The following SETD1A variants were observed in gnomAD, a reference collection of about 807,000 sequenced individuals.
SETD1A encodes SET domain containing 1A, histone lysine methyltransferase.
SETD1A carries 29 observed loss-of-function variants against 149.9 expected under a neutral mutation model. The observed-to-expected ratio is 0.19, with a 90% CI of 0.14 to 0.26. The LOEUF (loss-of-function observed/expected upper bound fraction) is 0.26, where lower values mean the gene tolerates loss of function less well. SETD1A is among the 10% of genes least tolerant of loss of function. The probability of loss-of-function intolerance (pLI) is 1.00; values close to 1 mark genes in which losing one functional copy is unlikely to be tolerated. For synonymous variants in SETD1A, 1,141 were observed against 968.5 expected, an observed-to-expected ratio of 1.18 and a Z score of -3.31; for missense variants, 2,109 against 2,353.1, an observed-to-expected ratio of 0.90 and a Z score of 2.15.
At position 30,981,140 on chromosome 16, in the gene SETD1A, A is replaced by C. The variant is rs1025809599; in HGVS notation, c.4772A>C (p.Asp1591Ala). The C allele has an allele frequency of 6.2e-7, 1 of 1,614,036 alleles. No homozygotes were observed. Among genetic ancestry groups the C allele is most frequent in the African/African-American group, 1.3e-5 (1 of 74,900 alleles). The change falls in exon 17 of 19, where the codon GAC becomes GCC. Residue 1591 changes from aspartate to alanine, a missense_variant. Physicochemically the swap from Asp to Ala is moderately radical, Grantham distance 126. Transcript: ENST00000262519. ...TTTGCCATGGAACCCATTGCTGCTG[A>C]CGAGATGGTCATCGAATACGTGGGT... ...GLFAMEPIAA[D>A]EMVIEYVGQN... is the part of the protein sequence containing the mutation.
chr16:30,960,321 CCT>C (rs1302330129), intron 3 of SETD1A, among the ~76,000 whole-genome samples: 3 of 152,188 alleles, frequency 2.0e-5, no homozygotes, highest in African/African-American at 4.8e-5. Context: ...ACACCACACC[CCT>C]GTGTTACATC....
In SETD1A at chr16:30,980,948, T is replaced by A; in HGVS notation, c.4692+99T>A. The A allele has an allele frequency of 1.3e-6, 2 of 1,571,934 alleles. No individual in the cohort carries two copies. ...AGCAGGCTCCTGTGGTTCCCTCGGG[T>A]GGAGTTGGGGGGTAAGCAGCCAGAA... On this transcript the variant is annotated intron_variant, in intron 16 of 18. Coordinates refer to ENST00000262519, the MANE Select transcript of SETD1A (RefSeq NM_014712.3). This position sits in a 1 kb window ranked among gnomAD's most constrained non-coding sequence, Gnocchi z 7.7.
In SETD1A at chr16:30,983,824, C is replaced by T. The variant is rs1042170069; in HGVS notation, c.4951-26C>T. 5 of 1,610,408 alleles carry T rather than the reference C, an allele frequency of 3.1e-6. No homozygotes were observed. In the Admixed American group the frequency reaches 5.0e-5, roughly 16 times the overall value. ...AGTTGGGGGTCGGTGGGGGTGGCCA[C>T]GGCTCACACGCCCTTCCATCCGCAG... On this transcript the variant is annotated intron_variant, in intron 18 of 18. Coordinates refer to ENST00000262519, the MANE Select transcript of SETD1A (RefSeq NM_014712.3). This position sits in a 1 kb window ranked among gnomAD's most constrained non-coding sequence, Gnocchi z 6.8.
Position 30,984,437 on chromosome 16 carries a change from CT to C in SETD1A, c.*415del, listed in dbSNP as rs1398206915. 5.8e-6 allele frequency: 1 copy of C among 171,010 alleles called. No individual in the cohort carries two copies. Among genetic ancestry groups the C allele is most frequent in the Non-Finnish European group, 1.3e-5 (1 of 78,710 alleles). 10.6% of individuals were successfully genotyped at this position (171,010 alleles called of 1,614,324 possible). On this transcript the variant is annotated 3_prime_UTR_variant, in exon 19 of 19. Coordinates refer to ENST00000262519, the MANE Select transcript of SETD1A (RefSeq NM_014712.3). ...CTGGGGCAGTGGCCATGTTCTCCCC[CT>C]GGGGGGGCTCTGCACCCCCAGTCCT...
chr16:30,968,807 A>T (rs117326446), intron 10 of SETD1A, among the ~76,000 whole-genome samples: 13,116 of 151,168 alleles, frequency 0.087, 617 homozygotes, highest in Non-Finnish European at 0.11. Flanking sequence ...CTCAAAAAAA[A>T]AAATATATAT....
chr16:30,976,421 G>A (rs902997914), intron 13 of SETD1A, among the ~76,000 whole-genome samples: 1 of 152,172 alleles, frequency 6.6e-6, no homozygotes, highest in African/African-American at 2.4e-5. Flanking sequence ...TGCCAGAGCT[G>A]GGGCCTGGGA....
chr16:30,970,796 CCCT>C (rs1474788377), intron 12 of SETD1A, among the ~76,000 whole-genome samples: 2 of 152,206 alleles, frequency 1.3e-5, no homozygotes, highest in Non-Finnish European at 2.9e-5. Context: ...CTCCATCTCG[CCCT>C]CCTCCAGTCC....
rs1180125646 is a variant in SETD1A, at chr16:30,958,745, G to T, written c.14G>T (p.Gly5Val). The change falls in exon 2 of 19, where the codon GGT becomes GTT. Residue 5 changes from glycine (G) to valine (V), a missense_variant. Gly to Val is a moderately radical substitution (Grantham distance 109). Around this residue, in one of 8 missense-constraint regions of SETD1A, gnomAD observed 75 missense variants for 95.3 expected, o/e 0.79. Coordinates refer to ENST00000262519, the MANE Select transcript of SETD1A (RefSeq NM_014712.3). MDQE[G>V]GGDGQKAPSF... ...AAATGAGCAAAGATGGATCAGGAAG[G>T]TGGGGGAGATGGGCAGAAGGCCCCG... 1 of 1,614,066 alleles carries T rather than the reference G, an allele frequency of 6.2e-7. No individual in the cohort carries two copies. The highest frequency in any genetic ancestry group is 8.5e-7 in the Non-Finnish European group (1 of 1,180,020).
In SETD1A at chr16:30,963,842, A is replaced by C. The variant is rs576852945; in HGVS notation, c.640-252A>C. On this transcript the variant is annotated intron_variant, in intron 5 of 18. Transcript: ENST00000262519. ...CCCATCTCTACTAAAACTGCAAAAA[A>C]TTAGCCAGGCATGGTGGTGGGCGCC... is the stretch of plus-strand genomic sequence containing the variant. Among the ~76,000 whole-genome samples, 6 of 152,282 alleles carry C rather than the reference A, an allele frequency of 3.9e-5. No individual in the cohort carries two copies. In the East Asian group the frequency reaches 1.2e-3, roughly 29 times the overall value.
At chr16:30,972,364 C>T (rs1305118196) in intron 13 of SETD1A, among the ~76,000 whole-genome samples, 2 of 152,146 alleles carry the variant, frequency 1.3e-5, no homozygotes, top group Non-Finnish European at 2.9e-5. Flanking sequence ...AGGCCGGGCG[C>T]GGTGGCTTAC....
chr16:30,974,947 C>T (rs1449212629), intron 13 of SETD1A, among the ~76,000 whole-genome samples: 2 of 151,920 alleles, frequency 1.3e-5, no homozygotes, highest in East Asian at 3.9e-4. Flanking sequence ...TCAAGACCAT[C>T]CTGGCCAGCA....
Position 30,984,163 on chromosome 16 carries a change from C to A in SETD1A, c.*140C>A. 2 of 702,272 alleles carry A rather than the reference C, an allele frequency of 2.8e-6. No individual in the cohort carries two copies. The highest frequency in any genetic ancestry group is 2.0e-5 in the South Asian group (1 of 50,762). 43.5% of individuals were successfully genotyped at this position (702,272 alleles called of 1,614,324 possible). A position where few individuals can be genotyped will look rare whatever the true frequency, so the allele number is the denominator to read the frequency against. On this transcript the variant is annotated 3_prime_UTR_variant, in exon 19 of 19. Transcript: ENST00000262519. Reference sequence around the variant, plus strand: ...GTGGGGTTGGGGGCCCCAAGCCCAGCGAGGGAGCCTCAGTCCCTGGAGGCA... The same window carrying A: ...GTGGGGTTGGGGGCCCCAAGCCCAGAGAGGGAGCCTCAGTCCCTGGAGGCA...
rs2056335929 is a variant in SETD1A at position 30,979,561 on chromosome 16, C to T, written c.3775C>T (p.Leu1259=). The T allele has an allele frequency of 6.2e-7, 1 of 1,609,782 alleles. No homozygotes were observed. The highest frequency in any genetic ancestry group is 8.5e-7 in the Non-Finnish European group (1 of 1,179,336). The change falls in exon 14 of 19, where the codon CTG becomes TTG. Residue 1259 remains leucine, a synonymous_variant. Coordinates refer to ENST00000262519, the MANE Select transcript of SETD1A (RefSeq NM_014712.3). ...GGTGGACCTGGCGGTCCTGGCCGAC[C>T]TGGCCCTGACCCCTGCCCGGCGCGG... ...TEVDLAVLAD[L]ALTPARRGLP... is the part of the protein sequence containing the mutation.
chr16:30,966,620 CA>C (rs2056151138), intron 8 of SETD1A, among the ~76,000 whole-genome samples: 1 of 152,234 alleles, frequency 6.6e-6, no homozygotes, highest in Non-Finnish European at 1.5e-5. Flanking sequence ...TGCTGGCTTG[CA>C]GTGGACAAGG....
chr16:30,975,943 G>C (rs13333418), intron 13 of SETD1A, among the ~76,000 whole-genome samples: 13,830 of 152,180 alleles, frequency 0.091, 1,910 homozygotes, highest in African/African-American at 0.3. Context: ...AGGAATGCTT[G>C]CTGGCATGGC....
At chr16:30,975,425 T>TC (rs1321306420) in intron 13 of SETD1A, among the ~76,000 whole-genome samples, 1 of 146,262 alleles carries the variant, frequency 6.8e-6, no homozygotes, top group Non-Finnish European at 1.5e-5. Context: ...CCACAACCTC[T>TC]CCCTTTTTTT....
At position 30,980,661 on chromosome 16, in the gene SETD1A, G is replaced by A; in HGVS notation, c.4581+4G>A. 2 of 1,611,774 alleles carry A rather than the reference G, an allele frequency of 1.2e-6. No individual in the cohort carries two copies. Among genetic ancestry groups the A allele is most frequent in the South Asian group, 2.2e-5 (2 of 91,026 alleles). On this transcript the variant is annotated splice_donor_region_variant and intron_variant, in intron 15 of 18. Transcript: ENST00000262519. The surrounding 1 kb of genome is among the most constrained non-coding windows in gnomAD (Gnocchi z 7.7). Reference sequence around the variant, plus strand: ...GCTGGAGGGCGTGGACACTCAGGTGGGCCTAACCCCGCCGCCGCGTCCTCC... The same window carrying A: ...GCTGGAGGGCGTGGACACTCAGGTGAGCCTAACCCCGCCGCCGCGTCCTCC...
intron 10 of SETD1A, among the ~76,000 whole-genome samples, chr16:30,968,963 G>T (rs2056189461): frequency 6.6e-6 from 1 of 151,802 alleles, no homozygotes; most frequent in Non-Finnish European, 1.5e-5. Flanking sequence ...AAAATTAGCT[G>T]GGTATGATTG....
At position 30,969,436 on chromosome 16, in the gene SETD1A, G is replaced by A; in HGVS notation, c.2902G>A (p.Ala968Thr). ...TGCTCTGGACAGCGAAGGGGAGGAG[G>A]CATCCCAGGAGTCCTCCTCGGAGAA... Reference protein sequence around the residue: ...SFALDSEGEEASQESSSEKDE... With the variant: ...SFALDSEGEETSQESSSEKDE... The change falls in exon 11 of 19, where the codon GCA becomes ACA. Residue 968 changes from alanine to threonine, a missense_variant. Physicochemically the swap from Ala to Thr is moderately conservative, Grantham distance 58. This residue lies in a region of SETD1A where 832 missense variants were observed against 815.6 expected (regional missense o/e 1.02). Transcript: ENST00000262519. 5.6e-6 allele frequency: 9 copies of A among 1,613,110 alleles called. No homozygotes were observed. The highest frequency in any genetic ancestry group is 7.6e-6 in the Non-Finnish European group (9 of 1,179,502).
Sources: gnomAD v4.1 joint callset for allele counts (sites outside exome capture counted in the v4.1 genomes callset) on GRCh38, gnomAD v4.1.1 for gene constraint, gnomAD v4.1.1 regional missense constraint, Gnocchi (gnomAD v3.1) non-coding constraint, MANE v1.5 for transcripts, NCBI Gene and HGNC (gene_info 2026-07-23, HGNC 2026-07-21) for gene names.